The following TAPT1 variants were observed in gnomAD, a reference collection of about 807,000 sequenced individuals.
The protein encoded by TAPT1 is transmembrane anterior posterior transformation 1, also known as transmembrane anterior posterior transformation protein 1 homolog.
TAPT1 carries 28 observed loss-of-function variants against 65.6 expected under a neutral mutation model. The observed-to-expected ratio is 0.43, with a 90% CI of 0.32 to 0.59. TAPT1 has a LOEUF of 0.59. Among genes scored for constraint, TAPT1 ranks in the 20% least tolerant of loss-of-function variants. The pLI is 0.09. For synonymous variants in TAPT1, 278 were observed against 245.2 expected, an observed-to-expected ratio of 1.13 and a Z score of -1.25; for missense variants, 563 against 679.9, an observed-to-expected ratio of 0.83 and a Z score of 1.91.
chr4:16,211,366 TTA>T (rs1750645295), intron 2 of TAPT1, among the ~76,000 whole-genome samples: 1 of 152,156 alleles, frequency 6.6e-6, no homozygotes, highest in Non-Finnish European at 1.5e-5. Flanking sequence ...GAAATCCTAC[TTA>T]TAAAAAATAA....
chr4:16,182,739 G>C (rs1303337878), intron 7 of TAPT1: 1 of 152,192 alleles, frequency 6.6e-6, no homozygotes, highest in Non-Finnish European at 1.5e-5. Flanking sequence ...AAACCAGAAA[G>C]GCTGGGGTTC....
chr4:16,190,034 C>G (rs1749270632), intron 4 of TAPT1: 1 of 152,260 alleles, frequency 6.6e-6, no homozygotes, highest in African/African-American at 2.4e-5. Flanking sequence ...CCATCCACCC[C>G]TAGGCAACCT....
At position 16,194,534 on chromosome 4, in the gene TAPT1, C is replaced by G. The variant is rs369022358; in HGVS notation, c.450-3011G>C. On this transcript the variant is annotated intron_variant, in intron 3 of 13. Coordinates refer to ENST00000405303, the MANE Select transcript of TAPT1 (RefSeq NM_153365.3). ...GAATCAACAACTCAGAACCTACTAT[C>G]TTTCTGTAAAATTTTACACTGGATA... Among the ~76,000 whole-genome samples, 6 of 152,244 alleles carry G rather than the reference C, an allele frequency of 3.9e-5. No individual in the cohort carries two copies. The South Asian group carries it at 6.2e-4, about 16-fold the overall frequency.
intron 8 of TAPT1, 61 bp downstream of exon 8, chr4:16,179,516 A>G: frequency 9.6e-7 from 1 of 1,041,696 alleles, no homozygotes; most frequent in Non-Finnish European, 1.4e-6. Flanking sequence ...ATTCCATGTA[A>G]AAGAATGATT....
intron 2 of TAPT1, among the ~76,000 whole-genome samples, chr4:16,205,069 G>C (rs898733868): frequency 6.6e-6 from 1 of 152,098 alleles, no homozygotes; most frequent in African/African-American, 2.4e-5. Context: ...CCTGCCTCAA[G>C]AGAAATAAAC....
At chr4:16,172,499 G>A (rs1748067468) in intron 11 of TAPT1, among the ~76,000 whole-genome samples, 1 of 150,580 alleles carries the variant, frequency 6.6e-6, no homozygotes, top group South Asian at 2.1e-4. Context: ...TTATTATTTA[G>A]AAGCCTCCAT....
intron 4 of TAPT1, chr4:16,191,124 C>T (rs1044546938): frequency 5.0e-6 from 2 of 398,134 alleles, no homozygotes; most frequent in African/African-American, 4.0e-5. Context: ...AGGTGTGTCC[C>T]AGACCAGCAG....
chr4:16,222,473 A>G (rs75638514), intron 1 of TAPT1, among the ~76,000 whole-genome samples: 3,433 of 152,298 alleles, frequency 0.023, 130 homozygotes, highest in African/African-American at 0.078. Flanking sequence ...GCTCTAGATC[A>G]TAATTTTAGA....
At chr4:16,170,045 G>A (rs1440454566) in intron 12 of TAPT1, among the ~76,000 whole-genome samples, 1 of 152,174 alleles carries the variant, frequency 6.6e-6, no homozygotes. Context: ...TGCCAGGTCT[G>A]GGTACTTTAT....
intron 2 of TAPT1, 143 bp downstream of exon 2, chr4:16,213,625 C>T: frequency 2.9e-6 from 2 of 681,856 alleles, no homozygotes; most frequent in Non-Finnish European, 4.5e-6. Context: ...AAAGCTTCTT[C>T]CTGTAAGGAA....
At chr4:16,179,229 C>G (rs1748554217) in intron 8 of TAPT1, 1 of 181,482 alleles carries the variant, frequency 5.5e-6, no homozygotes, top group African/African-American at 2.4e-5. Flanking sequence ...ACCTATTGCT[C>G]CTAGGCTACA....
At chr4:16,224,369 G>A (rs979104063) in intron 1 of TAPT1, among the ~76,000 whole-genome samples, 2 of 152,180 alleles carry the variant, frequency 1.3e-5, no homozygotes, top group African/African-American at 4.8e-5. Context: ...TATGGTTATC[G>A]GAGCTACAGA....
chr4:16,170,994 ACTCT>A (rs1304248758), intron 11 of TAPT1, among the ~76,000 whole-genome samples: 4 of 151,976 alleles, frequency 2.6e-5, no homozygotes, highest in Admixed American at 6.6e-5. Context: ...ACTCCTGTGG[ACTCT>A]CTAAGTTCGG....
chr4:16,193,891 T>C (rs1358710117), intron 3 of TAPT1, among the ~76,000 whole-genome samples: 6 of 152,230 alleles, frequency 3.9e-5, no homozygotes, highest in African/African-American at 1.4e-4. Flanking sequence ...TAGGGTAGTA[T>C]TAATTTGTGT....
At chr4:16,181,456 A>G (rs1032370803) in intron 7 of TAPT1, among the ~76,000 whole-genome samples, 6 of 152,208 alleles carry the variant, frequency 3.9e-5, no homozygotes, top group East Asian at 1.9e-4. Flanking sequence ...AATTAATTGT[A>G]TTTGATTTTT....
intron 3 of TAPT1, among the ~76,000 whole-genome samples, chr4:16,201,653 T>C (rs1045328118): frequency 1.3e-5 from 2 of 152,224 alleles, no homozygotes; most frequent in Admixed American, 6.5e-5. Flanking sequence ...TTAAGCTTCA[T>C]GTAAGCTTAA....
At chr4:16,198,240 T>C (rs1163491012) in intron 3 of TAPT1, among the ~76,000 whole-genome samples, 3 of 152,192 alleles carry the variant, frequency 2.0e-5, no homozygotes, top group Admixed American at 1.3e-4. Context: ...TAGGTTCAAA[T>C]ATTAAGTTAT....
In TAPT1 at chr4:16,186,584, A is replaced by G. The variant is rs1245749906; in HGVS notation, c.867T>C (p.Ser289=). 4.6e-6 allele frequency: 7 copies of G among 1,535,088 alleles called. No homozygotes were observed. In the East Asian group the frequency reaches 1.7e-4, roughly 37 times the overall value. ...TGTTCTTTTCAAACTTCTTGAAAAC[A>G]CTTCCTTTAATTTCAACAAACTGAA... ...MSNNFVEIKG[S]VFKKFEKNNL... Residue 289 remains serine, a synonymous_variant, in exon 7 of 14, where the codon AGT becomes AGC. Coordinates refer to ENST00000405303, the MANE Select transcript of TAPT1 (RefSeq NM_153365.3).
At chr4:16,203,568 T>A (rs941863506) in intron 2 of TAPT1, among the ~76,000 whole-genome samples, 2 of 152,178 alleles carry the variant, frequency 1.3e-5, no homozygotes, top group Non-Finnish European at 2.9e-5. Context: ...TAATCCAGTG[T>A]GACTGGAGTC....
Sources: gnomAD v4.1 joint callset for allele counts (sites outside exome capture counted in the v4.1 genomes callset) on GRCh38, gnomAD v4.1.1 for gene constraint, MANE v1.5 for transcripts, NCBI Gene and HGNC (gene_info 2026-07-23, HGNC 2026-07-21) for gene names.